AP2B1: variants seen among roughly 807,000 people sequenced by gnomAD.
AP2B1 encodes adaptor related protein complex 2 subunit beta 1.
In AP2B1, 23 loss-of-function variants were observed where a neutral mutation model predicts 102.0. The observed-to-expected ratio is 0.23, with a 90% confidence interval of 0.16 to 0.32. The LOEUF (loss-of-function observed/expected upper bound fraction) is 0.32. AP2B1 is among the 10% of genes least tolerant of loss of function. The probability of loss-of-function intolerance (pLI) is 1.00; values close to 1 mark genes in which losing one functional copy is unlikely to be tolerated. For missense variants in AP2B1, 541 were observed against 1,157.4 expected (o/e 0.47, Z 7.73); for synonymous variants, 381 against 421.2 (o/e 0.90, Z 1.17).
chr17:35,720,620 G>A (rs226429), intron 21 of AP2B1, among the ~76,000 whole-genome samples: 42,638 of 117,926 alleles, frequency 0.36, 7,503 homozygotes, highest in Middle Eastern at 0.49. Flanking sequence ...ATAGGGTCTC[G>A]CTATGTTGTG....
At chr17:35,589,838 A>G (rs895177819) in intron 1 of AP2B1, among the ~76,000 whole-genome samples, 2 of 150,726 alleles carry the variant, frequency 1.3e-5, no homozygotes, top group African/African-American at 4.9e-5. Context: ...CTCCCCCCAT[A>G]GGAGCAGCTT....
At chr17:35,723,057 A>G (rs2085448860) in intron 21 of AP2B1, among the ~76,000 whole-genome samples, 1 of 152,218 alleles carries the variant, frequency 6.6e-6, no homozygotes, top group Non-Finnish European at 1.5e-5. Context: ...AGGTTGGGTT[A>G]TACTAAGTAA....
intron 5 of AP2B1, among the ~76,000 whole-genome samples, chr17:35,614,086 G>T (rs2073944101): frequency 6.6e-6 from 1 of 152,132 alleles, no homozygotes; most frequent in Non-Finnish European, 1.5e-5. Flanking sequence ...GAGGCATTTA[G>T]GGGTATTCAA....
chr17:35,644,895 A>G (rs117196078), intron 12 of AP2B1, among the ~76,000 whole-genome samples: 3,654 of 152,104 alleles, frequency 0.024, 131 homozygotes, highest in East Asian at 0.19. Flanking sequence ...AGCGGAGCAT[A>G]GTGGCACACG....
At chr17:35,706,815 A>G (rs1304263650) in intron 18 of AP2B1, among the ~76,000 whole-genome samples, 1 of 151,484 alleles carries the variant, frequency 6.6e-6, no homozygotes, top group Non-Finnish European at 1.5e-5. Flanking sequence ...TAATATATAT[A>G]TATTTTTTTG....
chr17:35,616,062 T>C (rs1482675840), intron 5 of AP2B1, among the ~76,000 whole-genome samples: 1 of 151,432 alleles, frequency 6.6e-6, no homozygotes, highest in African/African-American at 2.4e-5. Flanking sequence ...TTTGTGGAAA[T>C]CATTTTCTGT....
At position 35,682,782 on chromosome 17, in the gene AP2B1, C is replaced by T; in HGVS notation, c.2412C>T (p.Thr804=). ...QSIDVSLPLN[T]LGPVMKMEPL... ...TTGATGTCTCCCTGCCTCTCAATAC[C>T]TTGGGCCCAGTCATGAAGATGGAAC... The change falls in exon 18 of 22, where the codon ACC becomes ACT. Residue 804 remains threonine, a synonymous_variant. Coordinates refer to ENST00000610402, the MANE Select transcript of AP2B1 (RefSeq NM_001030006.2). The T allele has an allele frequency of 6.2e-7, 1 of 1,612,964 alleles. No homozygotes were observed. The highest frequency in any genetic ancestry group is 8.5e-7 in the Non-Finnish European group (1 of 1,179,196).
intron 6 of AP2B1, among the ~76,000 whole-genome samples, chr17:35,625,072 A>G (rs962749306): frequency 1.2e-4 from 18 of 152,220 alleles, no homozygotes; most frequent in African/African-American, 3.9e-4. Flanking sequence ...TAGAAGGCAC[A>G]CCTAGATTGT....
intron 18 of AP2B1, among the ~76,000 whole-genome samples, chr17:35,691,597 G>A (rs756394582): frequency 2.0e-5 from 3 of 152,182 alleles, no homozygotes; most frequent in Middle Eastern, 3.2e-3. Context: ...GTGGGACCAC[G>A]ATGCTCCTTG....
At chr17:35,707,157 T>TG (rs71152746) in intron 18 of AP2B1, among the ~76,000 whole-genome samples, 2 of 133,474 alleles carry the variant, frequency 1.5e-5, no homozygotes, top group African/African-American at 2.8e-5. Flanking sequence ...TTGTTGTTGT[T>TG]TTGTTTTTTG....
Position 35,709,240 on chromosome 17 carries a change from A to G in AP2B1, c.2471A>G (p.Asn824Ser), listed in dbSNP as rs2076401340. ...TCCTGGCAGGTGGCTGTGAAAAACAATATCGATGTCTTCTACTTCAGCTGC... is the reference window on the plus strand; with the variant it reads ...TCCTGGCAGGTGGCTGTGAAAAACAGTATCGATGTCTTCTACTTCAGCTGC... ...LNNLQVAVKN[N>S]IDVFYFSCLI... is the part of the protein sequence containing the mutation. The change falls in exon 19 of 22, where the codon AAT becomes AGT. Residue 824 changes from asparagine (N) to serine (S), a missense_variant. Physicochemically the swap from Asn to Ser is conservative, Grantham distance 46. Coordinates refer to ENST00000610402, the MANE Select transcript of AP2B1 (RefSeq NM_001030006.2). 1 of 1,614,116 alleles carries G rather than the reference A, an allele frequency of 6.2e-7. No individual in the cohort carries two copies.
In AP2B1 at chr17:35,682,762, G is replaced by A. The variant is rs758595766; in HGVS notation, c.2392G>A (p.Val798Ile). 3 of 1,612,942 alleles carry A rather than the reference G, an allele frequency of 1.9e-6. No homozygotes were observed. The African/African-American group carries it at 4.0e-5, about 22-fold the overall frequency. ...TPLMPNQSID[V>I]SLPLNTLGPV... ...ACTGATGCCAAACCAGAGCATTGAT[G>A]TCTCCCTGCCTCTCAATACCTTGGG... The change falls in exon 18 of 22, where the codon GTC becomes ATC. Residue 798 changes from valine (V) to isoleucine (I), a missense_variant. Coordinates refer to ENST00000610402, the MANE Select transcript of AP2B1 (RefSeq NM_001030006.2).
At chr17:35,633,471 AGTG>A (rs2074521281) in intron 9 of AP2B1, among the ~76,000 whole-genome samples, 1 of 152,036 alleles carries the variant, frequency 6.6e-6, no homozygotes, top group African/African-American at 2.4e-5. Context: ...AATTGCTTAT[AGTG>A]GTTTAGATTG....
chr17:35,677,998 T>C (rs990703349), intron 17 of AP2B1, among the ~76,000 whole-genome samples: 13 of 151,906 alleles, frequency 8.6e-5, no homozygotes, highest in African/African-American at 3.1e-4. Context: ...TAGCTGGGAT[T>C]AGAGGCACCC....
intron 2 of AP2B1, among the ~76,000 whole-genome samples, chr17:35,594,487 T>C (rs1049977796): frequency 2.0e-5 from 3 of 152,218 alleles, no homozygotes; most frequent in South Asian, 4.1e-4. Context: ...AGTTCTCCCT[T>C]CCTGTTCCTA....
chr17:35,683,050 G>A, intron 18 of AP2B1, among the ~76,000 whole-genome samples: 1 of 151,940 alleles, frequency 6.6e-6, no homozygotes, highest in Non-Finnish European at 1.5e-5. Flanking sequence ...GCTAATTTCT[G>A]TATTTTTAGT....
chr17:35,717,421 A>AC, intron 21 of AP2B1, 72 bp downstream of exon 21: 1 of 1,544,934 alleles, frequency 6.5e-7, no homozygotes, highest in Non-Finnish European at 8.8e-7. Flanking sequence ...TTTACTTAGC[A>AC]CCCTAGAAAG....
intron 2 of AP2B1, among the ~76,000 whole-genome samples, chr17:35,594,505 G>A (rs1317583715): frequency 2.0e-5 from 3 of 152,178 alleles, no homozygotes; most frequent in Non-Finnish European, 4.4e-5. Flanking sequence ...CTATTCCCAA[G>A]GGAACTTGGT....
chr17:35,652,847 T>C (rs1252971935), intron 13 of AP2B1, among the ~76,000 whole-genome samples: 1 of 152,220 alleles, frequency 6.6e-6, no homozygotes, highest in East Asian at 1.9e-4. Context: ...TTCTGTCACA[T>C]TTTCTAAATG....
Sources: allele counts gnomAD v4.1 joint callset (sites outside exome capture counted in the v4.1 genomes callset), GRCh38; gene constraint gnomAD v4.1.1; transcripts MANE v1.5; gene names NCBI Gene and HGNC (gene_info 2026-07-23, HGNC 2026-07-21).